CCDC85A: variants seen among roughly 807,000 people sequenced by gnomAD.
The protein encoded by CCDC85A is coiled-coil domain containing 85A.
A neutral mutation model predicts 50.2 loss-of-function variants in CCDC85A; 38 were observed. That is an observed-to-expected ratio of 0.76 (90% CI 0.58 to 0.99). The LOEUF is 0.99. Ranked by LOEUF, CCDC85A falls within the 50% of genes least tolerant of loss-of-function variation. The pLI is 0.00. For synonymous variants in CCDC85A, 366 were observed against 301.4 expected (o/e 1.21, Z -2.22); for missense variants, 820 against 742.0 (o/e 1.11, Z -1.22).
At chr2:56,261,230 ATTC>A (rs972185025) in intron 2 of CCDC85A, among the ~76,000 whole-genome samples, 18 of 152,194 alleles carry the variant, frequency 1.2e-4, no homozygotes, top group African/African-American at 3.9e-4. Flanking sequence ...CCATAATGCC[ATTC>A]TTATAGAGAG....
At chr2:56,231,984 T>C (rs1668793551) in intron 2 of CCDC85A, among the ~76,000 whole-genome samples, 1 of 152,098 alleles carries the variant, frequency 6.6e-6, no homozygotes, top group South Asian at 2.1e-4. Flanking sequence ...TCATGCTTCA[T>C]TTGCCTACTT....
At chr2:56,372,558 G>C (rs539366793) in intron 4 of CCDC85A, 80 bp downstream of exon 4, 240 of 1,359,676 alleles carry the variant, frequency 1.8e-4, no homozygotes, top group African/African-American at 3.1e-4. Context: ...AAGTTATACT[G>C]GGGGGTAGAA....
chr2:56,369,176 C>T (rs953088141), intron 3 of CCDC85A, among the ~76,000 whole-genome samples: 12 of 151,984 alleles, frequency 7.9e-5, no homozygotes, highest in Non-Finnish European at 1.6e-4. Context: ...AAAAGAAACA[C>T]GACAGTGTAA....
intron 2 of CCDC85A, among the ~76,000 whole-genome samples, chr2:56,319,403 G>T (rs1332672107): frequency 6.6e-6 from 1 of 152,038 alleles, no homozygotes; most frequent in Non-Finnish European, 1.5e-5. Context: ...CAGGGAGCTG[G>T]TTCTTAAAGA....
chr2:56,287,395 A>G (rs1671494988), intron 2 of CCDC85A, among the ~76,000 whole-genome samples: 1 of 152,182 alleles, frequency 6.6e-6, no homozygotes, highest in South Asian at 2.1e-4. Context: ...AAGTGTCCTC[A>G]GGCAGAAAAC....
At chr2:56,354,090 C>T (rs1675102745) in intron 3 of CCDC85A, among the ~76,000 whole-genome samples, 1 of 152,208 alleles carries the variant, frequency 6.6e-6, no homozygotes, top group African/African-American at 2.4e-5. Context: ...TGACATTTCT[C>T]ATACTGCCTA....
At chr2:56,270,945 C>G (rs1670670405) in intron 2 of CCDC85A, among the ~76,000 whole-genome samples, 1 of 152,170 alleles carries the variant, frequency 6.6e-6, no homozygotes, top group African/African-American at 2.4e-5. Context: ...GTGTTAGTTA[C>G]TAGTTGCTGT....
At chr2:56,297,419 C>A (rs571485558) in intron 2 of CCDC85A, among the ~76,000 whole-genome samples, 74 of 148,180 alleles carry the variant, frequency 5.0e-4, no homozygotes, top group Non-Finnish European at 8.9e-4. Flanking sequence ...AATTGTGTGA[C>A]CTTTGTGTGA....
Position 56,219,211 on chromosome 2 carries a change from T to C in CCDC85A, c.1240+25771T>C, listed in dbSNP as rs374723935. Among the ~76,000 whole-genome samples the C allele has an allele frequency of 8.1e-5, 12 of 148,280 alleles. No homozygotes were observed. The East Asian group carries it at 1.6e-3, about 20-fold the overall frequency. On this transcript the variant is annotated intron_variant, in intron 2 of 5. Transcript: ENST00000407595. ...GTAGTATAGAGTGCCTGCAGTGTGC[T>C]ATGTGTTGCATTAGATGCCATACGA...
At chr2:56,357,852 G>T (rs892117139) in intron 3 of CCDC85A, among the ~76,000 whole-genome samples, 1 of 152,108 alleles carries the variant, frequency 6.6e-6, no homozygotes, top group African/African-American at 2.4e-5. Flanking sequence ...TGTGTCATCA[G>T]TTCCAACCTG....
chr2:56,190,644 G>A (rs11696109), intron 1 of CCDC85A, among the ~76,000 whole-genome samples: 78,049 of 151,894 alleles, frequency 0.51, 20,367 homozygotes, highest in African/African-American at 0.6. Flanking sequence ...GAGCATTCCA[G>A]GTGAGAGGGA....
At chr2:56,319,207 A>T (rs563035563) in intron 2 of CCDC85A, among the ~76,000 whole-genome samples, 205 of 152,262 alleles carry the variant, frequency 1.3e-3, no homozygotes, top group African/African-American at 4.7e-3. Flanking sequence ...CAATCTGTAC[A>T]ACAACCTTGT....
Position 56,342,865 on chromosome 2 carries a change from C to T in CCDC85A, c.1241-14C>T, listed in dbSNP as rs747942942. On this transcript the variant is annotated splice_polypyrimidine_tract_variant and intron_variant, in intron 2 of 5. Transcript: ENST00000407595. ...CCTGTGTGTATAATGTGAGTTCTTTCTTTTTAATTTTAGAATCAACCTTGT... is the reference window on the plus strand; with the variant it reads ...CCTGTGTGTATAATGTGAGTTCTTTTTTTTTAATTTTAGAATCAACCTTGT... The T allele has an allele frequency of 1.2e-5, 19 of 1,555,982 alleles. No individual in the cohort carries two copies. In the East Asian group the frequency reaches 3.6e-4, roughly 29 times the overall value.
rs146051071 is a variant in CCDC85A, at chr2:56,275,618, A to G, written c.1241-67261A>G. Among the ~76,000 whole-genome samples, 395 of 152,294 alleles carry G rather than the reference A, an allele frequency of 2.6e-3. 2 individuals carry two copies. Among genetic ancestry groups the G allele is most frequent in the African/African-American group, 9.0e-3 (374 of 41,580 alleles). The stretch of plus-strand genomic sequence containing the variant: ...GGAAATTAGGACAGAGCTTTCTACT[A>G]TTGACCAATACTGAGCCTGAATACA... On this transcript the variant is annotated intron_variant, in intron 2 of 5. Coordinates refer to ENST00000407595, the MANE Select transcript of CCDC85A (RefSeq NM_001080433.2).
intron 3 of CCDC85A, among the ~76,000 whole-genome samples, chr2:56,362,246 A>G (rs925688157): frequency 2.0e-5 from 3 of 152,056 alleles, no homozygotes; most frequent in African/African-American, 7.2e-5. Flanking sequence ...CTGTTTACTG[A>G]GATAGGCAAG....
intron 4 of CCDC85A, among the ~76,000 whole-genome samples, chr2:56,374,811 T>C (rs1014710559): frequency 1.3e-5 from 2 of 152,322 alleles, no homozygotes; most frequent in Middle Eastern, 3.4e-3. Context: ...TGCAAGTTAA[T>C]ATTCCAAACT....
intron 2 of CCDC85A, among the ~76,000 whole-genome samples, chr2:56,321,717 C>T (rs1423480487): frequency 6.6e-6 from 1 of 152,120 alleles, no homozygotes; most frequent in Non-Finnish European, 1.5e-5. Context: ...GCCATATGGC[C>T]CAAGGTAATT....
rs547402850 is a variant in CCDC85A at position 56,357,710 on chromosome 2, G to A, written c.1318-14634G>A. 2.1e-5 allele frequency among the ~76,000 whole-genome samples: 3 copies of A among 140,058 alleles called. No homozygotes were observed. In the Admixed American group the frequency reaches 2.3e-4, roughly 11 times the overall value. The allele number at this position is 140,058 out of a possible 152,430, so 91.9% of individuals were successfully genotyped here. ...CTCTTAAATGATGAGGTTGCAGCCT[G>A]AAATGGACCTTTCTTTCTGTGAGAA... is the stretch of plus-strand genomic sequence containing the variant. On this transcript the variant is annotated intron_variant, in intron 3 of 5. Coordinates refer to ENST00000407595, the MANE Select transcript of CCDC85A (RefSeq NM_001080433.2).
chr2:56,329,517 G>A (rs915726270), intron 2 of CCDC85A, among the ~76,000 whole-genome samples: 10 of 152,140 alleles, frequency 6.6e-5, no homozygotes, highest in African/African-American at 1.9e-4. Context: ...TTCAAAGTAT[G>A]TGCTAATTTA....
Sources: allele counts gnomAD v4.1 joint callset (sites outside exome capture counted in the v4.1 genomes callset), GRCh38; gene constraint gnomAD v4.1.1; transcripts MANE v1.5; gene names NCBI Gene and HGNC (gene_info 2026-07-23, HGNC 2026-07-21).